PNLIPRP1: variants seen among roughly 807,000 people sequenced by gnomAD.
PNLIPRP1 encodes the protein inactive pancreatic lipase-related protein 1.
Under a neutral mutation model 54.6 loss-of-function variants are expected in PNLIPRP1, and 57 were observed. The ratio of observed to expected loss-of-function variants is 1.04; its 90% CI spans 0.84 to 1.30. PNLIPRP1 has a LOEUF of 1.30. Ranked by LOEUF, PNLIPRP1 falls within the 50% of genes most tolerant of loss-of-function variation. The pLI, the probability that PNLIPRP1 is intolerant of heterozygous loss-of-function variation, is 0.00. For missense variants in PNLIPRP1, 567 were observed against 568.5 expected (o/e 1.00, Z 0.03); for synonymous variants, 232 against 208.8 (o/e 1.11, Z -0.96).
intron 10 of PNLIPRP1, among the ~76,000 whole-genome samples, chr10:116,602,697 CTGTGTA>C (rs1729678220): frequency 6.6e-6 from 1 of 152,164 alleles, no homozygotes; most frequent in Non-Finnish European, 1.5e-5. Context: ...AGAATCATGT[CTGTGTA>C]TATTAATGTA....
chr10:116,609,133 G>C lies in PNLIPRP1; in HGVS notation c.*17G>C. ...CCCTGCTAAGCTCCCGGGGCGACGA[G>C]GCTGCTGCGTTCACACTAATAAAAT... On this transcript the variant is annotated 3_prime_UTR_variant, in exon 13 of 13. Transcript: ENST00000358834. The C allele has an allele frequency of 6.3e-7, 1 of 1,590,926 alleles. No homozygotes were observed. The highest frequency in any genetic ancestry group is 8.6e-7 in the Non-Finnish European group (1 of 1,166,058).
chr10:116,603,774 T>C (rs1320643521), intron 10 of PNLIPRP1, among the ~76,000 whole-genome samples: 1 of 152,114 alleles, frequency 6.6e-6, no homozygotes, highest in African/African-American at 2.4e-5. Flanking sequence ...GTGCCTGTAG[T>C]CCCAGCTACT....
At chr10:116,594,646 G>C (rs182191059) in intron 4 of PNLIPRP1, 84 bp from the exon 5 acceptor site, 7 of 1,457,146 alleles carry the variant, frequency 4.8e-6, no homozygotes, top group Middle Eastern at 3.7e-4. Context: ...GGAGAAGAGA[G>C]AAGTGGCCAT....
intron 11 of PNLIPRP1, 53 bp from the exon 12 acceptor site, chr10:116,605,333 G>T: frequency 9.7e-7 from 1 of 1,029,958 alleles, no homozygotes; most frequent in South Asian, 2.0e-5. Context: ...GCATTGTATG[G>T]TAATTAGAAC....
intron 12 of PNLIPRP1, among the ~76,000 whole-genome samples, chr10:116,606,838 T>A (rs1847943439): frequency 6.6e-6 from 1 of 152,102 alleles, no homozygotes; most frequent in South Asian, 2.1e-4. Flanking sequence ...TGAGTGCAGC[T>A]CCCCTCGCTG....
Position 116,593,969 on chromosome 10 carries a change from A to AG in PNLIPRP1, c.331-761_331-760insG, listed in dbSNP as rs1401903456. The AG allele has an allele frequency of 5.3e-3, 904 of 169,332 alleles. 10 individuals are homozygous for AG. The highest frequency in any genetic ancestry group is 0.021 in the African/African-American group (866 of 41,202). The allele number at this position is 169,332 out of a possible 1,614,324, so 10.5% of individuals were successfully genotyped here. ...GAGGCTGTCTCAAAAAAAAAAAAAA[A>AG]AAAAGAAAGAAAAAAAGAAAAGAAA... On this transcript the variant is annotated intron_variant, in intron 4 of 12. Transcript: ENST00000358834.
chr10:116,606,360 G>A (rs1303479614), intron 12 of PNLIPRP1, among the ~76,000 whole-genome samples: 1 of 152,146 alleles, frequency 6.6e-6, no homozygotes, highest in African/African-American at 2.4e-5. Context: ...TCCCCACGAG[G>A]CAAGGAGAAC....
chr10:116,602,885 A>G (rs1309757635), intron 10 of PNLIPRP1, among the ~76,000 whole-genome samples: 3 of 151,938 alleles, frequency 2.0e-5, no homozygotes, highest in Non-Finnish European at 4.4e-5. Context: ...GTGCGTGGTT[A>G]AATGTGTGTA....
chr10:116,600,196 C>A, intron 9 of PNLIPRP1, 31 bp downstream of exon 9: 1 of 1,388,412 alleles, frequency 7.2e-7, no homozygotes, highest in Non-Finnish European at 1.0e-6. Flanking sequence ...GAGCAACAAG[C>A]ATCACCCCTC....
intron 6 of PNLIPRP1, 50 bp downstream of exon 6, chr10:116,596,372 T>A (rs2133231439): frequency 1.7e-6 from 2 of 1,142,942 alleles, no homozygotes; most frequent in East Asian, 4.7e-5. Flanking sequence ...AACCCCAGAA[T>A]GAGGTCTCAA....
intron 4 of PNLIPRP1, 78 bp downstream of exon 4, chr10:116,592,619 A>G: frequency 6.5e-7 from 1 of 1,540,548 alleles, no homozygotes; most frequent in Non-Finnish European, 9.0e-7. Context: ...TTATGCACTC[A>G]AGAAATCTTT....
intron 4 of PNLIPRP1, 177 bp from the exon 5 acceptor site, chr10:116,594,553 C>G: frequency 1.5e-6 from 1 of 688,258 alleles, no homozygotes; most frequent in Non-Finnish European, 2.5e-6. Flanking sequence ...GTTTGCCTTT[C>G]TCATAGCATT....
At chr10:116,598,289 T>C in intron 8 of PNLIPRP1, 123 bp downstream of exon 8, 1 of 966,912 alleles carries the variant, frequency 1.0e-6, no homozygotes, top group East Asian at 2.6e-5. Flanking sequence ...TTCCCTCTTC[T>C]GGGGATTATT....
chr10:116,592,539 A>AGAC lies in PNLIPRP1; in HGVS notation c.328_329insGAC (p.Lys110delinsArgGln), dbSNP rs782379019. The AGAC allele has an allele frequency of 7.4e-6, 12 of 1,614,174 alleles. No homozygotes were observed. In the South Asian group the frequency reaches 1.3e-4, roughly 18 times the overall value. On this transcript the variant is annotated protein_altering_variant and splice_region_variant, in exon 4 of 13. Coordinates refer to ENST00000358834, the MANE Select transcript of PNLIPRP1 (RefSeq NM_006229.4). The stretch of plus-strand genomic sequence containing the variant: ...TGAGAGCTGGGTGACAGACATGTGC[A>AGAC]AGGTAGGAGCCAGCTCTGATCCCTG...
At chr10:116,604,782 G>A (rs1277275202) in intron 11 of PNLIPRP1, among the ~76,000 whole-genome samples, 3 of 142,188 alleles carry the variant, frequency 2.1e-5, no homozygotes, top group Non-Finnish European at 4.5e-5. Flanking sequence ...TCCGCCTCCC[G>A]GGTTCAAGAA....
chr10:116,591,158 T>C lies in PNLIPRP1; in HGVS notation c.29T>C (p.Phe10Ser), dbSNP rs1554863074. The stretch of plus-strand genomic sequence containing the variant: ...CTGATCTTCTGGACAATCACACTTT[T>C]CCTGCTGGGAGCAGCCAAAGGTAAG... MLIFWTITLFLLGAAKGKEV... is the reference protein window; with the variant it reads MLIFWTITLSLLGAAKGKEV... Residue 10 changes from phenylalanine to serine, a missense_variant, in exon 2 of 13, where the codon TTC (phenylalanine) becomes TCC (serine). Phe to Ser is a radical substitution (Grantham distance 155, BLOSUM62 -2). Transcript: ENST00000358834. 6 of 1,613,664 alleles carry C rather than the reference T, an allele frequency of 3.7e-6. No homozygotes were observed. The highest frequency in any genetic ancestry group is 4.2e-6 in the Non-Finnish European group (5 of 1,179,862).
At chr10:116,608,906 C>G (rs1315633128) in intron 12 of PNLIPRP1, 147 bp from the exon 13 acceptor site, 2 of 695,260 alleles carry the variant, frequency 2.9e-6, no homozygotes, top group East Asian at 2.6e-5. Flanking sequence ...AGTGCCCCCT[C>G]GTGCCTCCTG....
At chr10:116,608,824 GA>G (rs1847978805) in intron 12 of PNLIPRP1, among the ~76,000 whole-genome samples, 2 of 152,210 alleles carry the variant, frequency 1.3e-5, no homozygotes, top group South Asian at 4.1e-4. Context: ...TGACACTCCA[GA>G]ACCATAGCAG....
intron 8 of PNLIPRP1, 26 bp from the exon 9 acceptor site, chr10:116,600,021 T>C (rs1480241835): frequency 1.3e-6 from 2 of 1,500,612 alleles, no homozygotes; most frequent in African/African-American, 2.7e-5. Context: ...AACCACCTGT[T>C]CAGGTCTCCT....
Sources: allele counts gnomAD v4.1 joint callset (sites outside exome capture counted in the v4.1 genomes callset), GRCh38; gene constraint gnomAD v4.1.1; transcripts MANE v1.5; gene names NCBI Gene and HGNC (gene_info 2026-07-23, HGNC 2026-07-21).